Variants in HIPK2 observed in about 807,000 individuals in gnomAD.
The protein encoded by HIPK2 is homeodomain-interacting protein kinase 2.
A neutral mutation model predicts 113.7 loss-of-function variants in HIPK2; 27 were observed. The observed-to-expected ratio is 0.24, with a 90% CI of 0.17 to 0.33. HIPK2 has a LOEUF of 0.33. Among genes scored for constraint, HIPK2 ranks in the 10% least tolerant of loss-of-function variants. The pLI, the probability that HIPK2 is intolerant of heterozygous loss-of-function variation, is 1.00. For synonymous variants in HIPK2, 631 were observed against 642.2 expected, an observed-to-expected ratio of 0.98 and a Z score of 0.26; for missense variants, 1,257 against 1,588.0, an observed-to-expected ratio of 0.79 and a Z score of 3.54.
intron 2 of HIPK2, among the ~76,000 whole-genome samples, chr7:139,673,236 G>C (rs1802368358): frequency 6.6e-6 from 1 of 152,100 alleles, no homozygotes; most frequent in Non-Finnish European, 1.5e-5. Flanking sequence ...TGGGAATGCA[G>C]AAGACAGAAA....
At chr7:139,736,075 T>C (rs983882908) in intron 1 of HIPK2, among the ~76,000 whole-genome samples, 7 of 151,090 alleles carry the variant, frequency 4.6e-5, no homozygotes, top group Non-Finnish European at 8.8e-5. Flanking sequence ...TCACAGGAGG[T>C]GGCTGAGAGG....
chr7:139,691,283 C>A (rs573451682), intron 2 of HIPK2, among the ~76,000 whole-genome samples: 1 of 152,184 alleles, frequency 6.6e-6, no homozygotes, highest in Non-Finnish European at 1.5e-5. Context: ...GCTGATAAAA[C>A]CGAACATCAA....
At chr7:139,622,207 C>T (rs1374690076) in intron 6 of HIPK2, among the ~76,000 whole-genome samples, 1 of 152,160 alleles carries the variant, frequency 6.6e-6, no homozygotes, top group East Asian at 1.9e-4. Context: ...CTACTTCTTT[C>T]TAAGATTCTG....
At chr7:139,741,248 C>A (rs1244418320) in intron 1 of HIPK2, among the ~76,000 whole-genome samples, 2 of 152,168 alleles carry the variant, frequency 1.3e-5, no homozygotes, top group Non-Finnish European at 2.9e-5. Flanking sequence ...CCTGGAATGG[C>A]TGGCTCTCTC....
chr7:139,613,408 T>C lies in HIPK2; in HGVS notation c.1991-85A>G. On this transcript the variant is annotated intron_variant, in intron 8 of 14. Coordinates refer to ENST00000406875, the MANE Select transcript of HIPK2 (RefSeq NM_022740.5). The surrounding 1 kb of genome is among the most constrained non-coding windows in gnomAD (Gnocchi z 4.2). ...AAAAGAACCTTCCTGGGCAGTTATGTCAACTTTCTGCTTCCCTTTGCACTG... is the reference window on the plus strand; with the variant it reads ...AAAAGAACCTTCCTGGGCAGTTATGCCAACTTTCTGCTTCCCTTTGCACTG... 6.6e-7 allele frequency: 1 copy of C among 1,521,098 alleles called. No homozygotes were observed. The highest frequency in any genetic ancestry group is 8.9e-7 in the Non-Finnish European group (1 of 1,121,356). 94.2% of individuals were successfully genotyped at this position (1,521,098 alleles called of 1,614,324 possible).
intron 2 of HIPK2, among the ~76,000 whole-genome samples, chr7:139,691,290 T>A (rs1569475266): frequency 6.6e-6 from 1 of 152,186 alleles, no homozygotes; most frequent in Non-Finnish European, 1.5e-5. Context: ...AAACCGAACA[T>A]CAAATAACAC....
Position 139,716,012 on chromosome 7 carries a change from T to C in HIPK2, c.1023A>G (p.Arg341=). 3 of 1,614,114 alleles carry C rather than the reference T, an allele frequency of 1.9e-6. No homozygotes were observed. The highest frequency in any genetic ancestry group is 1.3e-5 in the African/African-American group (1 of 75,014). The stretch of plus-strand genomic sequence containing the variant: ...CTGAACCAAAGTCGATGACCTTGAC[T>C]CTGTATGGTTGTCTAGATGGATCCA... ...MLVDPSRQPY[R]VKVIDFGSAS... The change falls in exon 2 of 15, where the codon AGA becomes AGG. Residue 341 remains arginine (R), a synonymous_variant. Transcript: ENST00000406875. This position sits in a 1 kb window ranked among gnomAD's most constrained non-coding sequence, Gnocchi z 9.3.
In HIPK2 at chr7:139,768,456, T is replaced by A. The variant is rs192827510; in HGVS notation, c.19+9149A>T. The stretch of plus-strand genomic sequence containing the variant: ...TACCTTGGGAAATCAGTTTTTTTTT[T>A]AAAGCTGCTTAATGACTTAAAAGTG... On this transcript the variant is annotated intron_variant, in intron 1 of 14. Transcript: ENST00000406875. 3.3e-5 allele frequency among the ~76,000 whole-genome samples: 5 copies of A among 152,090 alleles called. No individual in the cohort carries two copies. The East Asian group carries it at 5.8e-4, about 18-fold the overall frequency.
intron 6 of HIPK2, among the ~76,000 whole-genome samples, chr7:139,624,045 C>T (rs373977968): frequency 1.0e-4 from 15 of 144,900 alleles, no homozygotes; most frequent in African/African-American, 2.3e-4. Context: ...TTTTTTTTGA[C>T]GGAGTCTCGC....
At chr7:139,746,204 T>C (rs898473928) in intron 1 of HIPK2, among the ~76,000 whole-genome samples, 2 of 152,182 alleles carry the variant, frequency 1.3e-5, no homozygotes, top group Non-Finnish European at 2.9e-5. Context: ...CTGGAACTTG[T>C]TCCAGTCAGC....
chr7:139,764,514 T>C (rs2117154248), intron 1 of HIPK2, among the ~76,000 whole-genome samples: 1 of 152,352 alleles, frequency 6.6e-6, no homozygotes, highest in South Asian at 2.1e-4. Context: ...GTGCCATTTA[T>C]GGAAATAAAG....
intron 2 of HIPK2, among the ~76,000 whole-genome samples, chr7:139,707,933 C>T (rs918641999): frequency 5.9e-5 from 9 of 152,058 alleles, no homozygotes; most frequent in African/African-American, 2.2e-4. Flanking sequence ...CACTGCTTGC[C>T]AGTTCACCAA....
At chr7:139,641,232 G>T (rs1480212387) in intron 2 of HIPK2, among the ~76,000 whole-genome samples, 1 of 152,088 alleles carries the variant, frequency 6.6e-6, no homozygotes, top group Non-Finnish European at 1.5e-5. Context: ...GGACATGGTG[G>T]CACGCACCTG....
rs1801730174 is a variant in HIPK2 at position 139,657,926 on chromosome 7, C to T, written c.1104-26201G>A. On this transcript the variant is annotated intron_variant, in intron 2 of 14. Coordinates refer to ENST00000406875, the MANE Select transcript of HIPK2 (RefSeq NM_022740.5). ...TCCTTCCAGATGCCCTTTAAGAGGT[C>T]TGCACAGGGATCAGGAGACCTGGGT... is the stretch of plus-strand genomic sequence containing the variant. 2.0e-5 allele frequency among the ~76,000 whole-genome samples: 3 copies of T among 152,302 alleles called. No individual in the cohort carries two copies. In the South Asian group the frequency reaches 6.2e-4, roughly 32 times the overall value.
At chr7:139,663,231 C>T (rs560441306) in intron 2 of HIPK2, among the ~76,000 whole-genome samples, 2 of 152,356 alleles carry the variant, frequency 1.3e-5, no homozygotes, top group South Asian at 2.1e-4. Context: ...TGACCTTCAC[C>T]TTCTTTATAC....
chr7:139,722,261 T>G (rs567408087), intron 1 of HIPK2, among the ~76,000 whole-genome samples: 1 of 152,352 alleles, frequency 6.6e-6, no homozygotes, highest in Non-Finnish European at 1.5e-5. Flanking sequence ...CATTAAAATA[T>G]ATGCTATAGT....
At chr7:139,692,754 T>G (rs1794442695) in intron 2 of HIPK2, among the ~76,000 whole-genome samples, 1 of 152,178 alleles carries the variant, frequency 6.6e-6, no homozygotes, top group Non-Finnish European at 1.5e-5. Context: ...CAAACATAAT[T>G]TCGTCAGTAC....
rs1450033136 is a variant in HIPK2 at position 139,646,109 on chromosome 7, CGCT to C, written c.1104-14387_1104-14385del. ...GCTCTTTACACCTCCCACTAGGGGG[CGCT>C]GAAGTGCAACAGACACAGGCTCGGA... On this transcript the variant is annotated intron_variant, in intron 2 of 14. Transcript: ENST00000406875. Among the ~76,000 whole-genome samples the C allele has an allele frequency of 5.9e-5, 9 of 152,262 alleles. No homozygotes were observed. In the South Asian group the frequency reaches 1.9e-3, roughly 32 times the overall value.
intron 2 of HIPK2, among the ~76,000 whole-genome samples, chr7:139,705,987 T>A (rs1247058401): frequency 6.6e-6 from 1 of 152,172 alleles, no homozygotes; most frequent in African/African-American, 2.4e-5. Context: ...GAGCAGCATG[T>A]CCACAGAGCC....
Sources: gnomAD v4.1 joint callset for allele counts (sites outside exome capture counted in the v4.1 genomes callset) on GRCh38, gnomAD v4.1.1 for gene constraint, Gnocchi (gnomAD v3.1) non-coding constraint, MANE v1.5 for transcripts, NCBI Gene and HGNC (gene_info 2026-07-23, HGNC 2026-07-21) for gene names.